The following PAK1 variants were observed in gnomAD, a reference collection of about 807,000 sequenced individuals.
PAK1 encodes serine/threonine-protein kinase PAK 1.
Under a neutral mutation model 67.4 loss-of-function variants are expected in PAK1, and 29 were observed. The ratio of observed to expected loss-of-function variants is 0.43; its 90% CI spans 0.32 to 0.59. The LOEUF is 0.59. Among genes scored for constraint, PAK1 ranks in the 20% least tolerant of loss-of-function variants. The pLI, the probability that PAK1 is intolerant of heterozygous loss-of-function variation, is 0.07. For missense variants in PAK1, 337 were observed against 670.7 expected (o/e 0.50, Z 5.50); for synonymous variants, 223 against 237.4 (o/e 0.94, Z 0.56).
chr11:77,366,802 G>A (rs993347968), intron 5 of PAK1, among the ~76,000 whole-genome samples: 1 of 152,100 alleles, frequency 6.6e-6, no homozygotes, highest in Non-Finnish European at 1.5e-5. Flanking sequence ...TTCCTCAAAA[G>A]GTTAAACATA....
chr11:77,452,541 C>T (rs1233284329), intron 1 of PAK1, among the ~76,000 whole-genome samples: 1 of 152,132 alleles, frequency 6.6e-6, no homozygotes, highest in Admixed American at 6.5e-5. Context: ...CTCCTAGGGT[C>T]CCCTTCAGCC....
intron 1 of PAK1, among the ~76,000 whole-genome samples, chr11:77,447,535 C>CTTT (rs930087173): frequency 6.9e-5 from 10 of 144,692 alleles, no homozygotes; most frequent in South Asian, 2.2e-4. Flanking sequence ...GAAACAGATT[C>CTTT]TTTTTTTTTT....
intron 12 of PAK1, among the ~76,000 whole-genome samples, chr11:77,337,112 T>G (rs1042808162): frequency 6.6e-6 from 1 of 151,634 alleles, no homozygotes; most frequent in African/African-American, 2.4e-5. Flanking sequence ...CAGCAAAGTT[T>G]TTTGTGGTTG....
At chr11:77,385,838 A>G (rs1950381306) in intron 2 of PAK1, among the ~76,000 whole-genome samples, 1 of 152,226 alleles carries the variant, frequency 6.6e-6, no homozygotes, top group African/African-American at 2.4e-5. Context: ...AGCCCGGACA[A>G]CAGAGCGTGA....
At position 77,379,993 on chromosome 11, in the gene PAK1, TG is replaced by T; in HGVS notation, c.191del (p.Thr64LysfsTer80). The T allele has an allele frequency of 6.2e-7, 1 of 1,609,544 alleles. No homozygotes were observed. Among genetic ancestry groups the T allele is most frequent in the Non-Finnish European group, 8.5e-7 (1 of 1,176,514 alleles). On this transcript the variant is annotated frameshift_variant and splice_region_variant, in exon 3 of 15. Transcript: ENST00000356341. LOFTEE classifies it high-confidence loss of function. ...GCCGCTCTTTCTCTTTCTTTTTATTTGCTGCAAGAGAAACAGGCAAAAGGAA... is the reference window on the plus strand; with the variant it reads ...GCCGCTCTTTCTCTTTCTTTTTATTTCTGCAAGAGAAACAGGCAAAAGGAA... ...FYRSILPGDK[T>X]NKKKEKERPE...
intron 1 of PAK1, among the ~76,000 whole-genome samples, chr11:77,426,078 CTTTTTT>C (rs35602138): frequency 8.5e-6 from 1 of 117,232 alleles, no homozygotes; most frequent in Admixed American, 8.6e-5. Context: ...TTGAAGGCCT[CTTTTTT>C]TTTTTTTTTT....
chr11:77,415,811 T>C (rs1036035301), intron 1 of PAK1, among the ~76,000 whole-genome samples: 1 of 152,090 alleles, frequency 6.6e-6, no homozygotes, highest in Non-Finnish European at 1.5e-5. Context: ...TCTTCAACAA[T>C]AAATTAACCT....
At chr11:77,433,220 G>A (rs1955943167) in intron 1 of PAK1, among the ~76,000 whole-genome samples, 1 of 152,176 alleles carries the variant, frequency 6.6e-6, no homozygotes. Flanking sequence ...AGCTTTAACT[G>A]TAAGAGCTAA....
chr11:77,395,705 A>T (rs1951746689), intron 1 of PAK1, among the ~76,000 whole-genome samples: 1 of 152,014 alleles, frequency 6.6e-6, no homozygotes, highest in Non-Finnish European at 1.5e-5. Context: ...CCCTAACCCC[A>T]CTTCTTTGCA....
chr11:77,422,564 A>AAC (rs1955328115), intron 1 of PAK1, among the ~76,000 whole-genome samples: 1 of 151,928 alleles, frequency 6.6e-6, no homozygotes, highest in Non-Finnish European at 1.5e-5. Flanking sequence ...CAAAAAAAAA[A>AAC]AAAAGTCACT....
intron 1 of PAK1, among the ~76,000 whole-genome samples, chr11:77,399,635 G>A (rs898119754): frequency 2.0e-5 from 3 of 151,726 alleles, no homozygotes; most frequent in Admixed American, 2.0e-4. Context: ...CGAGGCTGGC[G>A]GATCACGAGG....
intron 1 of PAK1, among the ~76,000 whole-genome samples, chr11:77,452,158 T>G (rs1360757606): frequency 6.6e-6 from 1 of 152,214 alleles, no homozygotes; most frequent in Non-Finnish European, 1.5e-5. Flanking sequence ...TTCATTTCAT[T>G]TTTTCCCCTG....
chr11:77,480,974 A>T, the PAK1 span, among the ~76,000 whole-genome samples: 2 of 152,326 alleles, frequency 1.3e-5, no homozygotes, highest in South Asian at 4.1e-4. Context: ...TAAATATATT[A>T]TTTCTAATTT....
At chr11:77,472,299 T>C (rs1291756467) in intron 1 of PAK1, among the ~76,000 whole-genome samples, 1 of 152,196 alleles carries the variant, frequency 6.6e-6, no homozygotes, top group Non-Finnish European at 1.5e-5. Context: ...AAAGGCATAG[T>C]TTCTAGTTGA....
rs1591694521 is a variant in PAK1, at chr11:77,332,723, C to G, written c.1551+7G>C. ...AATTAGGTGCTTCCCTGCATAAGGA[C>G]AGTTACCTGTAGCAGCTCTTTAGCT... is the stretch of plus-strand genomic sequence containing the variant. On this transcript the variant is annotated splice_region_variant and intron_variant, in intron 14 of 14. Coordinates refer to ENST00000356341, the MANE Select transcript of PAK1 (RefSeq NM_002576.5). 2 of 1,612,716 alleles carry G rather than the reference C, an allele frequency of 1.2e-6. No homozygotes were observed. The highest frequency in any genetic ancestry group is 1.1e-5 in the South Asian group (1 of 91,022).
chr11:77,383,173 A>C (rs1044420724), intron 2 of PAK1, among the ~76,000 whole-genome samples: 1 of 152,160 alleles, frequency 6.6e-6, no homozygotes, highest in African/African-American at 2.4e-5. Context: ...CTGAGATTTG[A>C]CTGGTATCAA....
intron 6 of PAK1, among the ~76,000 whole-genome samples, chr11:77,357,065 T>C (rs1337571300): frequency 6.6e-6 from 1 of 152,158 alleles, no homozygotes; most frequent in Non-Finnish European, 1.5e-5. Context: ...CAGGTAAATA[T>C]TTGATGGAAT....
chr11:77,385,550 C>T (rs1168991942), intron 2 of PAK1, among the ~76,000 whole-genome samples: 7 of 152,138 alleles, frequency 4.6e-5, no homozygotes, highest in Non-Finnish European at 4.4e-5. Context: ...AATAAGGATT[C>T]CTACAACGAT....
chr11:77,490,973 C>T, the PAK1 span, among the ~76,000 whole-genome samples: 1 of 151,898 alleles, frequency 6.6e-6, no homozygotes, highest in Non-Finnish European at 1.5e-5. Context: ...TCTCAAGTAC[C>T]CAGGGACACA....
Sources: gnomAD v4.1 joint callset for allele counts (sites outside exome capture counted in the v4.1 genomes callset) on GRCh38, gnomAD v4.1.1 for gene constraint, MANE v1.5 for transcripts, NCBI Gene and HGNC (gene_info 2026-07-23, HGNC 2026-07-21) for gene names.